JAZF1: variants seen among roughly 807,000 people sequenced by gnomAD.
JAZF1 encodes the protein juxtaposed with another zinc finger protein 1.
A neutral mutation model predicts 26.4 loss-of-function variants in JAZF1; 8 were observed. That is an observed-to-expected ratio of 0.30 (90% CI 0.18 to 0.55). JAZF1 has a LOEUF of 0.55. Among genes scored for constraint, JAZF1 ranks in the 20% least tolerant of loss-of-function variants. The probability of loss-of-function intolerance (pLI) is 0.94; values close to 1 mark genes in which losing one functional copy is unlikely to be tolerated. For synonymous variants in JAZF1, 126 were observed against 122.3 expected, an observed-to-expected ratio of 1.03 and a Z score of -0.20; for missense variants, 199 against 322.0, an observed-to-expected ratio of 0.62 and a Z score of 2.92.
intron 1 of JAZF1, among the ~76,000 whole-genome samples, chr7:28,089,433 T>C (rs1223067949): frequency 2.0e-5 from 3 of 152,230 alleles, no homozygotes; most frequent in African/African-American, 7.2e-5. Context: ...TCTATTATAA[T>C]AGCCCAAGCT....
chr7:27,934,694 C>G (rs780665835), intron 2 of JAZF1, among the ~76,000 whole-genome samples: 1 of 152,056 alleles, frequency 6.6e-6, no homozygotes, highest in Non-Finnish European at 1.5e-5. Context: ...AACTCATACA[C>G]CAAGACAATC....
chr7:27,862,516 T>C (rs939499463), intron 3 of JAZF1, among the ~76,000 whole-genome samples: 1 of 152,194 alleles, frequency 6.6e-6, no homozygotes, highest in African/African-American at 2.4e-5. Context: ...CACAGAGTAG[T>C]GCAGCCATCA....
chr7:28,133,181 T>C (rs1782824293), intron 1 of JAZF1, among the ~76,000 whole-genome samples: 1 of 152,242 alleles, frequency 6.6e-6, no homozygotes, highest in Non-Finnish European at 1.5e-5. Flanking sequence ...GCAAATGACT[T>C]GATAAGTGGA....
At chr7:28,131,968 A>G (rs1782801647) in intron 1 of JAZF1, among the ~76,000 whole-genome samples, 1 of 152,212 alleles carries the variant, frequency 6.6e-6, no homozygotes, top group South Asian at 2.1e-4. Flanking sequence ...TATATGGGGC[A>G]AAGACTGACC....
At chr7:27,939,282 A>C (rs1784807095) in intron 2 of JAZF1, among the ~76,000 whole-genome samples, 1 of 152,240 alleles carries the variant, frequency 6.6e-6, no homozygotes, top group Admixed American at 6.5e-5. Flanking sequence ...AGCTCAGCAA[A>C]GATGAACTGA....
At chr7:27,868,209 A>G (rs991003335) in intron 3 of JAZF1, among the ~76,000 whole-genome samples, 3 of 152,222 alleles carry the variant, frequency 2.0e-5, no homozygotes, top group African/African-American at 7.2e-5. Flanking sequence ...GACACCATCT[A>G]TTGGGATGAG....
intron 1 of JAZF1, among the ~76,000 whole-genome samples, chr7:28,161,703 A>T (rs1035070199): frequency 6.6e-6 from 1 of 152,126 alleles, no homozygotes; most frequent in African/African-American, 2.4e-5. Context: ...AATATTTCCA[A>T]TGAACCCACT....
intron 2 of JAZF1, among the ~76,000 whole-genome samples, chr7:27,908,797 T>C (rs1399871738): frequency 6.6e-6 from 1 of 152,242 alleles, no homozygotes; most frequent in Admixed American, 6.5e-5. Context: ...CCTCATCTAC[T>C]CAGCTCATTG....
At chr7:27,886,998 G>T (rs1423696948) in intron 3 of JAZF1, among the ~76,000 whole-genome samples, 1 of 152,168 alleles carries the variant, frequency 6.6e-6, no homozygotes, top group Admixed American at 6.5e-5. Flanking sequence ...GCTAACACAG[G>T]AACAGAAAAC....
intron 1 of JAZF1, among the ~76,000 whole-genome samples, chr7:28,110,540 A>G: frequency 8.5e-6 from 1 of 117,424 alleles, no homozygotes; most frequent in Middle Eastern, 3.6e-3. Context: ...AGGAAAGGAA[A>G]AGGAAAAGGA....
chr7:27,951,302 C>T (rs1785004881), intron 2 of JAZF1, among the ~76,000 whole-genome samples: 1 of 152,166 alleles, frequency 6.6e-6, no homozygotes, highest in South Asian at 2.1e-4. Flanking sequence ...ATGGTCTTTA[C>T]CCTGGCATTG....
chr7:27,902,906 C>T (rs1784189272), intron 2 of JAZF1, among the ~76,000 whole-genome samples: 1 of 151,558 alleles, frequency 6.6e-6, no homozygotes, highest in Non-Finnish European at 1.5e-5. Flanking sequence ...GTCCCAGCTA[C>T]TCAGGAGGCT....
At chr7:28,008,944 G>C (rs554014832) in intron 1 of JAZF1, among the ~76,000 whole-genome samples, 12 of 152,162 alleles carry the variant, frequency 7.9e-5, no homozygotes, top group Non-Finnish European at 1.5e-4. Context: ...ACATTTAAAT[G>C]ATTTTATCAC....
intron 1 of JAZF1, among the ~76,000 whole-genome samples, chr7:28,013,644 G>A (rs143408930): frequency 1.1e-4 from 17 of 152,134 alleles, no homozygotes. Context: ...TCTTAGATTA[G>A]ATGACACATA....
At chr7:27,990,892 G>A (rs78009593) in intron 2 of JAZF1, among the ~76,000 whole-genome samples, 5,142 of 152,188 alleles carry the variant, frequency 0.034, 313 homozygotes, top group African/African-American at 0.12. Context: ...CTCACTTCTT[G>A]GGAAGGCTGA....
At chr7:28,009,553 G>A (rs936755357) in intron 1 of JAZF1, among the ~76,000 whole-genome samples, 17 of 150,760 alleles carry the variant, frequency 1.1e-4, no homozygotes, top group African/African-American at 3.9e-4. Context: ...GCACGATCTC[G>A]GCTCACTGCA....
chr7:28,144,604 G>C (rs2127946469), intron 1 of JAZF1, among the ~76,000 whole-genome samples: 1 of 152,194 alleles, frequency 6.6e-6, no homozygotes, highest in South Asian at 2.1e-4. Flanking sequence ...CAGCTGGAGA[G>C]GAAAGAGAAA....
chr7:27,845,738 T>TA (rs1562762027), intron 3 of JAZF1, among the ~76,000 whole-genome samples: 1 of 148,838 alleles, frequency 6.7e-6, no homozygotes, highest in Non-Finnish European at 1.5e-5. Context: ...AAAAGAAATT[T>TA]TAAAAAAATG....
intron 3 of JAZF1, among the ~76,000 whole-genome samples, chr7:27,880,373 G>A (rs919711414): frequency 6.6e-6 from 1 of 152,194 alleles, no homozygotes; most frequent in African/African-American, 2.4e-5. Context: ...AGTGGCTCAT[G>A]CCTGTAATCC....
Sources: gnomAD v4.1 joint callset for allele counts (sites outside exome capture counted in the v4.1 genomes callset) on GRCh38, gnomAD v4.1.1 for gene constraint, MANE v1.5 for transcripts, NCBI Gene and HGNC (gene_info 2026-07-23, HGNC 2026-07-21) for gene names.